FAM3C: variants seen among roughly 807,000 people sequenced by gnomAD.
The protein encoded by FAM3C is protein FAM3C.
Under a neutral mutation model 32.5 loss-of-function variants are expected in FAM3C, and 15 were observed. The observed-to-expected ratio is 0.46, with a 90% CI of 0.31 to 0.71. FAM3C has a LOEUF of 0.71. Ranked by LOEUF, FAM3C falls within the 30% of genes least tolerant of loss-of-function variation. The probability of loss-of-function intolerance (pLI) is 0.05; values close to 1 mark genes in which losing one functional copy is unlikely to be tolerated. For synonymous variants in FAM3C, 75 were observed against 86.1 expected (o/e 0.87, Z 0.72); for missense variants, 175 against 274.4 (o/e 0.64, Z 2.56).
intron 1 of FAM3C, among the ~76,000 whole-genome samples, chr7:121,395,207 A>C (rs1229214816): frequency 6.6e-6 from 1 of 151,876 alleles, no homozygotes; most frequent in Admixed American, 6.6e-5. Context: ...ACATACATAT[A>C]TACGGATACA....
At chr7:121,352,777 C>T (rs1418478457) in intron 8 of FAM3C, among the ~76,000 whole-genome samples, 1 of 152,238 alleles carries the variant, frequency 6.6e-6, no homozygotes, top group African/African-American at 2.4e-5. Flanking sequence ...CCAAAATTAT[C>T]ACCTGAACCT....
intron 8 of FAM3C, among the ~76,000 whole-genome samples, chr7:121,351,791 G>T (rs1476560560): frequency 6.6e-6 from 1 of 152,162 alleles, no homozygotes; most frequent in Admixed American, 6.5e-5. Flanking sequence ...AGTGATAACT[G>T]CCAAGTGGTT....
chr7:121,389,193 G>A (rs561648595), intron 1 of FAM3C, among the ~76,000 whole-genome samples: 7 of 152,156 alleles, frequency 4.6e-5, no homozygotes, highest in Middle Eastern at 6.8e-3. Context: ...TACATTCTGA[G>A]AACATAAGTA....
At chr7:121,359,985 T>G in intron 8 of FAM3C, 58 bp downstream of exon 8, 1 of 898,400 alleles carries the variant, frequency 1.1e-6, no homozygotes, top group Non-Finnish European at 1.8e-6. Flanking sequence ...TTAATGAAAA[T>G]GTATTGCTTT....
At chr7:121,377,279 T>G (rs1562890146) in intron 3 of FAM3C, among the ~76,000 whole-genome samples, 1 of 152,166 alleles carries the variant, frequency 6.6e-6, no homozygotes, top group African/African-American at 2.4e-5. Flanking sequence ...GTCAGACAAT[T>G]AAACCTCTTT....
chr7:121,351,021 A>G (rs189617673), intron 9 of FAM3C, 122 bp downstream of exon 9: 3 of 912,116 alleles, frequency 3.3e-6, no homozygotes, highest in East Asian at 5.0e-5. Flanking sequence ...AGAATTTATG[A>G]CAAATATATG....
chr7:121,385,405 G>T (rs1453275694), intron 1 of FAM3C, among the ~76,000 whole-genome samples: 2 of 152,188 alleles, frequency 1.3e-5, no homozygotes, highest in African/African-American at 4.8e-5. Flanking sequence ...ATAATCACCT[G>T]AGATTCAACA....
chr7:121,353,387 A>ATTTCT (rs554836922), intron 8 of FAM3C, among the ~76,000 whole-genome samples: 75 of 152,330 alleles, frequency 4.9e-4, no homozygotes, highest in African/African-American at 1.8e-3. Flanking sequence ...ATTGAGCTTT[A>ATTTCT]TGTTTTAACT....
In FAM3C at chr7:121,351,239, A is replaced by C. The variant is rs774033092; in HGVS notation, c.498T>G (p.Ala166=). 1.2e-6 allele frequency: 2 copies of C among 1,613,624 alleles called. No individual in the cohort carries two copies. The highest frequency in any genetic ancestry group is 8.5e-7 in the Non-Finnish European group (1 of 1,179,722). ...KLNDEARRLI[A]DLGSTSITNL... The stretch of plus-strand genomic sequence containing the variant: ...TAGTAATAGATGTGCTCCCCAAATC[A>C]GCAATGAGCCGCCGTGCCTCATCAT... The change falls in exon 9 of 10, where the codon GCT becomes GCG. Residue 166 remains alanine (A), a synonymous_variant. Coordinates refer to ENST00000359943, the MANE Select transcript of FAM3C (RefSeq NM_014888.3).
At chr7:121,366,747 T>C (rs1233467178) in intron 5 of FAM3C, among the ~76,000 whole-genome samples, 1 of 152,206 alleles carries the variant, frequency 6.6e-6, no homozygotes, top group African/African-American at 2.4e-5. Context: ...TTGGAGCATA[T>C]ACATTTAAAA....
intron 2 of FAM3C, among the ~76,000 whole-genome samples, chr7:121,382,228 A>G (rs1794372072): frequency 6.6e-6 from 1 of 152,160 alleles, no homozygotes; most frequent in African/African-American, 2.4e-5. Flanking sequence ...TCTTTTTAGA[A>G]TATTTAAATA....
In FAM3C at chr7:121,349,536, T is replaced by C. The variant is rs2116855398; in HGVS notation, c.*925A>G. On this transcript the variant is annotated 3_prime_UTR_variant, in exon 10 of 10. Coordinates refer to ENST00000359943, the MANE Select transcript of FAM3C (RefSeq NM_014888.3). Reference sequence around the variant, plus strand: ...CAATAATTGCTATTATGAAGTTAGATAAACACAGGATTAATTTCTTGGTTT... The same window carrying C: ...CAATAATTGCTATTATGAAGTTAGACAAACACAGGATTAATTTCTTGGTTT... The C allele has an allele frequency of 6.6e-6, 1 of 152,242 alleles. No individual in the cohort carries two copies. The highest frequency in any genetic ancestry group is 2.4e-5 in the African/African-American group (1 of 41,568). 9.4% of individuals were successfully genotyped at this position (152,242 alleles called of 1,614,324 possible). A position where few individuals can be genotyped will look rare whatever the true frequency, so the allele number is the denominator to read the frequency against.
intron 8 of FAM3C, among the ~76,000 whole-genome samples, chr7:121,357,794 A>G (rs1246441764): frequency 1.3e-5 from 2 of 152,164 alleles, no homozygotes; most frequent in African/African-American, 4.8e-5. Flanking sequence ...GGCACCAAAA[A>G]ATAGCAGTTG....
Position 121,362,942 on chromosome 7 carries a change from T to A in FAM3C, c.337A>T (p.Thr113Ser). The A allele has an allele frequency of 6.7e-7, 1 of 1,487,488 alleles. No homozygotes were observed. Among genetic ancestry groups the A allele is most frequent in the African/African-American group, 1.4e-5 (1 of 72,010 alleles). 92.1% of individuals were successfully genotyped at this position (1,487,488 alleles called of 1,614,324 possible). A position where few individuals can be genotyped will look rare whatever the true frequency, so the allele number is the denominator to read the frequency against. ...TATTTAGTGTCTAATACTTCTCCTGTTTTTCCTAAAAGAGATTAAATTCAT... is the reference window on the plus strand; with the variant it reads ...TATTTAGTGTCTAATACTTCTCCTGATTTTCCTAAAAGAGATTAAATTCAT... ...GINVALANGK[T>S]GEVLDTKYFD... The change falls in exon 7 of 10, where the codon ACA (threonine) becomes TCA (serine). Residue 113 changes from threonine (T) to serine (S), a missense_variant. By Grantham distance (58) the Thr-to-Ser change is moderately conservative (BLOSUM62 1). Coordinates refer to ENST00000359943, the MANE Select transcript of FAM3C (RefSeq NM_014888.3).
chr7:121,352,971 G>C (rs1047548940), intron 8 of FAM3C, among the ~76,000 whole-genome samples: 3 of 152,180 alleles, frequency 2.0e-5, no homozygotes, highest in Non-Finnish European at 4.4e-5. Context: ...AATGTCTAGA[G>C]CACAGGCAGT....
chr7:121,362,822 A>G (rs2536164), intron 7 of FAM3C, 75 bp downstream of exon 7: 159,137 of 782,738 alleles, frequency 0.2, 18,595 homozygotes, highest in African/African-American at 0.43. Flanking sequence ...TCATTCTCTC[A>G]TTAATGGGCT....
In FAM3C at chr7:121,388,773, G is replaced by A. The variant is rs566718731; in HGVS notation, c.-41-5763C>T. ...AACATCTAAATGTGGCTAAGAAACA[G>A]AAATAGAATTAGAAGTATACTATGG... On this transcript the variant is annotated intron_variant, in intron 1 of 9. Coordinates refer to ENST00000359943, the MANE Select transcript of FAM3C (RefSeq NM_014888.3). 2.0e-5 allele frequency among the ~76,000 whole-genome samples: 3 copies of A among 152,204 alleles called. No individual in the cohort carries two copies. In the South Asian group the frequency reaches 6.2e-4, roughly 32 times the overall value.
chr7:121,381,129 G>A (rs1278108647), intron 2 of FAM3C, among the ~76,000 whole-genome samples: 1 of 152,194 alleles, frequency 6.6e-6, no homozygotes, highest in Non-Finnish European at 1.5e-5. Context: ...ACTTGATGGG[G>A]CCTAACATAC....
In FAM3C at chr7:121,371,601, A is replaced by T. The variant is rs181358696; in HGVS notation, c.149-178T>A. ...TCAAAGAACCTCAAAAAATTTTTTTAAAAAAAAACAGCAACAAAGAAACCC... is the reference window on the plus strand; with the variant it reads ...TCAAAGAACCTCAAAAAATTTTTTTTAAAAAAAACAGCAACAAAGAAACCC... On this transcript the variant is annotated intron_variant, in intron 4 of 9. Transcript: ENST00000359943. 4.7e-3 allele frequency among the ~76,000 whole-genome samples: 719 copies of T among 151,732 alleles called. 4 individuals are homozygous for T. The highest frequency in any genetic ancestry group is 0.016 in the South Asian group (76 of 4,800).
Sources: allele counts gnomAD v4.1 joint callset (sites outside exome capture counted in the v4.1 genomes callset), GRCh38; gene constraint gnomAD v4.1.1; transcripts MANE v1.5; gene names NCBI Gene and HGNC (gene_info 2026-07-23, HGNC 2026-07-21).